The following KBTBD4 variants were observed in gnomAD, a reference collection of about 807,000 sequenced individuals.
KBTBD4 encodes the protein kelch repeat and BTB domain-containing protein 4.
Under a neutral mutation model 43.9 loss-of-function variants are expected in KBTBD4, and 30 were observed. The ratio of observed to expected loss-of-function variants is 0.68; its 90% CI spans 0.51 to 0.93. KBTBD4 has a LOEUF of 0.93. KBTBD4 is among the 40% of genes least tolerant of loss of function. KBTBD4 has a pLI of 0.00. For synonymous variants in KBTBD4, 258 were observed against 256.9 expected (o/e 1.00, Z -0.04); for missense variants, 575 against 668.8 (o/e 0.86, Z 1.55).
In KBTBD4 at chr11:47,573,585, C is replaced by T; in HGVS notation, c.950G>A (p.Cys317Tyr). The change falls in exon 4 of 4, where the codon TGC (cysteine) becomes TAC (tyrosine). Residue 317 changes from cysteine (C) to tyrosine (Y), a missense_variant. Transcript: ENST00000430070. This position sits in a 1 kb window ranked among gnomAD's most constrained non-coding sequence, Gnocchi z 4.1. The part of the protein sequence containing the change: ...GGSIPRRMWK[C>Y]NNATVDWEWC... The stretch of plus-strand genomic sequence containing the variant: ...CTCCCAGTCAACGGTGGCATTGTTG[C>T]ACTTCCACATGCGCCGTGGGATGGA... 5 of 1,614,168 alleles carry T rather than the reference C, an allele frequency of 3.1e-6. No homozygotes were observed. The highest frequency in any genetic ancestry group is 4.2e-6 in the Non-Finnish European group (5 of 1,180,022).
At position 47,577,704 on chromosome 11, in the gene KBTBD4, A is replaced by G. The variant is rs1184772110; in HGVS notation, c.344T>C (p.Leu115Pro). 1.2e-6 allele frequency: 2 copies of G among 1,614,226 alleles called. No individual in the cohort carries two copies. Among genetic ancestry groups the G allele is most frequent in the Non-Finnish European group, 1.7e-6 (2 of 1,180,036 alleles). The stretch of plus-strand genomic sequence containing the variant: ...AGTCCCATGGTAGATATAATCAACC[A>G]GGAGCTGGAAAACAGACTCGCTGAC... ...QDVSESVFQLLVDYIYHGTVK... is the reference protein window; with the variant it reads ...QDVSESVFQLPVDYIYHGTVK... The change falls in exon 2 of 4, where the codon CTG becomes CCG. Residue 115 changes from leucine to proline, a missense_variant. Physicochemically the swap from Leu to Pro is moderately conservative, Grantham distance 98. Transcript: ENST00000430070.
At position 47,578,010 on chromosome 11, in the gene KBTBD4, TTC is replaced by T; in HGVS notation, c.36_37del (p.Lys13ValfsTer3). 2 of 1,614,212 alleles carry T rather than the reference TTC, an allele frequency of 1.2e-6. No homozygotes were observed. The highest frequency in any genetic ancestry group is 1.7e-6 in the Non-Finnish European group (2 of 1,180,032). ...CTCTGGTGATTCCATGCTAGCCAAC[TTC>T]TCTCTCTGCCAGCTGTCTGCAAAGC... is the stretch of plus-strand genomic sequence containing the variant. On this transcript the variant is annotated frameshift_variant, in exon 2 of 4. Transcript: ENST00000430070. LOFTEE classifies it high-confidence loss of function.
In KBTBD4 at chr11:47,573,801, A is replaced by G; in HGVS notation, c.745-11T>C. 6.4e-7 allele frequency: 1 copy of G among 1,561,224 alleles called. No homozygotes were observed. The highest frequency in any genetic ancestry group is 8.7e-7 in the Non-Finnish European group (1 of 1,155,084). ...ATTCTCCCCAATTTCCTATTGGCAA[A>G]ATTAAAATTATATGACAGCTGTTAA... On this transcript the variant is annotated splice_polypyrimidine_tract_variant and intron_variant, in intron 3 of 3. Coordinates refer to ENST00000430070, the MANE Select transcript of KBTBD4 (RefSeq NM_018095.6). The surrounding 1 kb of genome is among the most constrained non-coding windows in gnomAD (Gnocchi z 4.1).
chr11:47,578,673 T>TC, intron 1 of KBTBD4: 1 of 1,011,020 alleles, frequency 9.9e-7, no homozygotes, highest in Non-Finnish European at 1.5e-6. Flanking sequence ...CTGTGCAATG[T>TC]CCCCGCTCCA....
In KBTBD4 at chr11:47,573,075, C is replaced by T; in HGVS notation, c.1460G>A (p.Ser487Asn). 1 of 1,614,186 alleles carries T rather than the reference C, an allele frequency of 6.2e-7. No homozygotes were observed. The highest frequency in any genetic ancestry group is 8.5e-7 in the Non-Finnish European group (1 of 1,180,040). ...SSAPSLWKIA[S>N]CNGSIYVFRD... Reference sequence around the variant, plus strand: ...GAAGACATAGATGCTCCCGTTACAGCTGGCAATCTTCCAGAGGGATGGGGC... The same window carrying T: ...GAAGACATAGATGCTCCCGTTACAGTTGGCAATCTTCCAGAGGGATGGGGC... Residue 487 changes from serine (S) to asparagine (N), a missense_variant, in exon 4 of 4, where the codon AGC (serine) becomes AAC (asparagine). Ser to Asn is a conservative substitution (Grantham distance 46). Transcript: ENST00000430070. The surrounding 1 kb of genome is among the most constrained non-coding windows in gnomAD (Gnocchi z 4.1).
Position 47,577,979 on chromosome 11 carries a change from A to C in KBTBD4, c.69T>G (p.Pro23=). 3 of 1,614,210 alleles carry C rather than the reference A, an allele frequency of 1.9e-6. No individual in the cohort carries two copies. The highest frequency in any genetic ancestry group is 2.5e-6 in the Non-Finnish European group (3 of 1,180,022). Residue 23 remains proline, a synonymous_variant, in exon 2 of 4, where the codon CCT becomes CCG. Coordinates refer to ENST00000430070, the MANE Select transcript of KBTBD4 (RefSeq NM_018095.6). ...KLASMESPEE[P]GASMDENYFV... is the part of the protein sequence containing the mutation. ...AGTAGTTCTCATCCATGGATGCTCC[A>C]GGCTCCTCTGGTGATTCCATGCTAG...
At chr11:47,578,110 AAAGG>A (rs748193897) in intron 1 of KBTBD4, 82 bp from the exon 2 acceptor site, 7 of 1,527,970 alleles carry the variant, frequency 4.6e-6, no homozygotes, top group Non-Finnish European at 6.2e-6. Flanking sequence ...CAGGGAGGGA[AAAGG>A]AAGAAGTGAG....
chr11:47,573,827 A>T lies in KBTBD4; in HGVS notation c.745-37T>A. On this transcript the variant is annotated intron_variant, in intron 3 of 3. Coordinates refer to ENST00000430070, the MANE Select transcript of KBTBD4 (RefSeq NM_018095.6). This position sits in a 1 kb window ranked among gnomAD's most constrained non-coding sequence, Gnocchi z 4.1. ...ATTAAAATTATATGACAGCTGTTAA[A>T]TTCTAGGCTAAGGCTCAGCTAAGAC... is the stretch of plus-strand genomic sequence containing the variant. 1 of 1,538,578 alleles carries T rather than the reference A, an allele frequency of 6.5e-7. No individual in the cohort carries two copies.
In KBTBD4 at chr11:47,573,698, G is replaced by A; in HGVS notation, c.837C>T (p.Asp279=). The stretch of plus-strand genomic sequence containing the variant: ...TGTTTTGGCCACTTACACTGATGGA[G>A]TCATCTTCTGCACAGTGCAAGGACA... ...LAVSLHCAED[D]SISVSGQNSL... The change falls in exon 4 of 4, where the codon GAC becomes GAT. Residue 279 remains aspartate, a synonymous_variant. Transcript: ENST00000430070. The surrounding 1 kb of genome is among the most constrained non-coding windows in gnomAD (Gnocchi z 4.1). The A allele has an allele frequency of 1.2e-6, 2 of 1,609,136 alleles. No homozygotes were observed. Among genetic ancestry groups the A allele is most frequent in the Non-Finnish European group, 8.5e-7 (1 of 1,180,016 alleles).
At chr11:47,575,800 G>T (rs2097258113) in intron 2 of KBTBD4, 101 bp from the exon 3 acceptor site, 4 of 723,294 alleles carry the variant, frequency 5.5e-6, no homozygotes, top group South Asian at 1.6e-5. Flanking sequence ...ACTACTGCTG[G>T]GCATGTGTAT....
rs1565929491 is a variant in KBTBD4, at chr11:47,572,856, T to C, written c.*74A>G. The C allele has an allele frequency of 6.7e-6, 10 of 1,490,664 alleles. No individual in the cohort carries two copies. Among genetic ancestry groups the C allele is most frequent in the East Asian group, 4.5e-5 (2 of 43,978 alleles). The allele number at this position is 1,490,664 out of a possible 1,614,324, so 92.3% of individuals were successfully genotyped here. ...GTGCCAAAAAAAACATAACTCTGAA[T>C]TGGGGCCCAGGGGACTTTGAGTTTG... On this transcript the variant is annotated 3_prime_UTR_variant, in exon 4 of 4. Transcript: ENST00000430070.
chr11:47,577,797 C>G lies in KBTBD4; in HGVS notation c.251G>C (p.Cys84Ser), dbSNP rs759441446. The change falls in exon 2 of 4, where the codon TGC becomes TCC. Residue 84 changes from cysteine (C) to serine (S), a missense_variant. Coordinates refer to ENST00000430070, the MANE Select transcript of KBTBD4 (RefSeq NM_018095.6). ...GGAAGTGAACATGGATCGGAAGAAG[C>G]AGCTCTGAGCTGAGAGGACCAGCCG... ...LHRLVLSAQS[C>S]FFRSMFTSNL... 3.1e-6 allele frequency: 5 copies of G among 1,614,056 alleles called. No individual in the cohort carries two copies. In the Admixed American group the frequency reaches 8.3e-5, roughly 27 times the overall value.
At chr11:47,578,406 A>G (rs2097264433) in intron 1 of KBTBD4, 1 of 563,116 alleles carries the variant, frequency 1.8e-6, no homozygotes, top group South Asian at 2.4e-5. Context: ...GCATAAAACT[A>G]GTGAAGCTCA....
intron 3 of KBTBD4, among the ~76,000 whole-genome samples, chr11:47,575,318 C>T (rs2097257059): frequency 6.6e-6 from 1 of 151,672 alleles, no homozygotes. Flanking sequence ...AGCATCCTGG[C>T]TAACACGATG....
In KBTBD4 at chr11:47,577,682, C is replaced by T. The variant is rs772763677; in HGVS notation, c.366G>A (p.Gly122=). 1.2e-6 allele frequency: 2 copies of T among 1,614,206 alleles called. No individual in the cohort carries two copies. Among genetic ancestry groups the T allele is most frequent in the Admixed American group, 1.7e-5 (1 of 60,026 alleles). The change falls in exon 2 of 4, where the codon GGG becomes GGA. Residue 122 remains glycine (G), a synonymous_variant. Coordinates refer to ENST00000430070, the MANE Select transcript of KBTBD4 (RefSeq NM_018095.6). ...FQLLVDYIYH[G]TVKLRAEELQ... ...ACTCCTCAGCTCGAAGTTTCACAGT[C>T]CCATGGTAGATATAATCAACCAGGA...
At position 47,573,320 on chromosome 11, in the gene KBTBD4, A is replaced by T; in HGVS notation, c.1215T>A (p.Asp405Glu). ...GGGAAGGTTTGGTAAAGAAGTCCAG[A>T]TCATTCTCCTCCCCCCCTAGTAAGT... ...IIYLLGGEEN[D>E]LDFFTKPSRL... The change falls in exon 4 of 4, where the codon GAT becomes GAA. Residue 405 changes from aspartate (D) to glutamate (E), a missense_variant. Transcript: ENST00000430070. The surrounding 1 kb of genome is among the most constrained non-coding windows in gnomAD (Gnocchi z 4.1). 1 of 1,614,140 alleles carries T rather than the reference A, an allele frequency of 6.2e-7. No individual in the cohort carries two copies. The highest frequency in any genetic ancestry group is 8.5e-7 in the Non-Finnish European group (1 of 1,180,036).
In KBTBD4 at chr11:47,572,406, A is replaced by T. The variant is rs1159296088; in HGVS notation, c.*524T>A. On this transcript the variant is annotated 3_prime_UTR_variant, in exon 4 of 4. Coordinates refer to ENST00000430070, the MANE Select transcript of KBTBD4 (RefSeq NM_018095.6). ...CCTGACAGATGGATAAGAAAACAAT[A>T]GAAGGAACATCCTGAATTCTAGAGT... 2.0e-5 allele frequency: 3 copies of T among 153,736 alleles called. No individual in the cohort carries two copies. The highest frequency in any genetic ancestry group is 4.4e-5 in the Non-Finnish European group (3 of 68,830). The allele number at this position is 153,736 out of a possible 1,614,324, so 9.5% of individuals were successfully genotyped here.
Position 47,577,926 on chromosome 11 carries a change from G to A in KBTBD4, c.122C>T (p.Ser41Leu). ...GCCTTGAGCCACACGGCCTGAATGT[G>A]ACCGATCTTTGAAAGTGTAGTTCAC... The part of the protein sequence containing the change: ...YFVNYTFKDR[S>L]HSGRVAQGIM... The change falls in exon 2 of 4, where the codon TCA becomes TTA. Residue 41 changes from serine (S) to leucine (L), a missense_variant. Transcript: ENST00000430070. 1 of 1,614,174 alleles carries A rather than the reference G, an allele frequency of 6.2e-7. No individual in the cohort carries two copies. Among genetic ancestry groups the A allele is most frequent in the Non-Finnish European group, 8.5e-7 (1 of 1,180,046 alleles).
Position 47,572,910 on chromosome 11 carries a change from C to A in KBTBD4, c.*20G>T, listed in dbSNP as rs201493810. 1.9e-4 allele frequency: 304 copies of A among 1,597,850 alleles called. No individual in the cohort carries two copies. The highest frequency in any genetic ancestry group is 2.6e-4 in the Non-Finnish European group (301 of 1,169,902). ...GGGGAGGGAAAAGGAGTGAGCAGTT[C>A]TCCTCCCCTCCCCACAGCCTTAGGC... On this transcript the variant is annotated 3_prime_UTR_variant, in exon 4 of 4. Transcript: ENST00000430070.
Sources: allele counts gnomAD v4.1 joint callset (sites outside exome capture counted in the v4.1 genomes callset), GRCh38; gene constraint gnomAD v4.1.1; non-coding constraint Gnocchi (gnomAD v3.1); transcripts MANE v1.5; gene names NCBI Gene and HGNC (gene_info 2026-07-23, HGNC 2026-07-21).